The following NLRC3 variants were observed in gnomAD, a reference collection of about 807,000 sequenced individuals.
The protein encoded by NLRC3 is NLR family CARD domain containing 3.
A neutral mutation model predicts 91.6 loss-of-function variants in NLRC3; 87 were observed. The ratio of observed to expected loss-of-function variants is 0.95; its 90% CI spans 0.80 to 1.14. The LOEUF (loss-of-function observed/expected upper bound fraction) is 1.14, where lower values mean the gene tolerates loss of function less well. Among genes scored for constraint, NLRC3 ranks in the 50% most tolerant of loss-of-function variants. The probability of loss-of-function intolerance (pLI) is 0.00; values close to 1 mark genes in which losing one functional copy is unlikely to be tolerated. For missense variants in NLRC3, 1,577 were observed against 1,418.6 expected, an observed-to-expected ratio of 1.11 and a Z score of -1.79; for synonymous variants, 694 against 625.3, an observed-to-expected ratio of 1.11 and a Z score of -1.64.
chr16:3,557,461 A>C lies in NLRC3; in HGVS notation c.2099+132T>G. 4 of 622,318 alleles carry C rather than the reference A, an allele frequency of 6.4e-6. No individual in the cohort carries two copies. In the South Asian group the frequency reaches 7.8e-5, roughly 12 times the overall value. The allele number at this position is 622,318 out of a possible 1,614,324, so 38.5% of individuals were successfully genotyped here. A position where few individuals can be genotyped will look rare whatever the true frequency, so the allele number is the denominator to read the frequency against. On this transcript the variant is annotated intron_variant, in intron 7 of 19. Coordinates refer to ENST00000359128, the MANE Select transcript of NLRC3 (RefSeq NM_178844.4). ...ATGTCCAGATGCTACCCAGGGGCTG[A>C]ATCATGGGAATCAGGGAAGAACAGA...
At chr16:3,576,686 A>T (rs1194005401) in intron 1 of NLRC3, among the ~76,000 whole-genome samples, 2 of 151,410 alleles carry the variant, frequency 1.3e-5, no homozygotes, top group Non-Finnish European at 1.5e-5. Flanking sequence ...TGTTTTGGAG[A>T]CAGTCTCGCT....
Position 3,565,227 on chromosome 16 carries a change from T to G in NLRC3, c.-25+92A>C, listed in dbSNP as rs2039826047. ...CTGAGAATGGACTGGAAGGGCCATTTGTTCCTGGGTGGTAGCAATGATCAC... is the reference window on the plus strand; with the variant it reads ...CTGAGAATGGACTGGAAGGGCCATTGGTTCCTGGGTGGTAGCAATGATCAC... On this transcript the variant is annotated intron_variant, in intron 3 of 19. Coordinates refer to ENST00000359128, the MANE Select transcript of NLRC3 (RefSeq NM_178844.4). 4.3e-6 allele frequency: 3 copies of G among 695,782 alleles called. No homozygotes were observed. The Admixed American group carries it at 6.2e-5, about 14-fold the overall frequency. The allele number at this position is 695,782 out of a possible 1,614,324, so 43.1% of individuals were successfully genotyped here. A position where few individuals can be genotyped will look rare whatever the true frequency, so the allele number is the denominator to read the frequency against.
rs116008947 is a variant in NLRC3, at chr16:3,562,930, G to A, written c.1928+79C>T. 3,665 of 1,286,042 alleles carry A rather than the reference G, an allele frequency of 2.8e-3. 83 individuals carry two copies. The African/African-American group carries it at 0.046, about 16-fold the overall frequency. 79.7% of individuals were successfully genotyped at this position (1,286,042 alleles called of 1,614,324 possible). On this transcript the variant is annotated intron_variant, in intron 5 of 19. Transcript: ENST00000359128. ...GCAGCCCTAGGAGACTGACAGAGAA[G>A]CTTGGTGGTGGGGAGGGGACGGCTT...
Position 3,541,103 on chromosome 16 carries a change from G to A in NLRC3, c.*722C>T, listed in dbSNP as rs138769959. 7,638 of 152,188 alleles carry A rather than the reference G, an allele frequency of 0.05. 249 individuals carry two copies. The highest frequency in any genetic ancestry group is 0.069 in the Admixed American group (1,056 of 15,280). 9.4% of individuals were successfully genotyped at this position (152,188 alleles called of 1,614,324 possible). ...GCCTGTATTCCCAGCTACTGGGGAG[G>A]CTGAGGCAGGAGAATCACATGAACC... On this transcript the variant is annotated 3_prime_UTR_variant, in exon 20 of 20. Transcript: ENST00000359128.
intron 9 of NLRC3, among the ~76,000 whole-genome samples, chr16:3,552,830 C>T (rs1325871533): frequency 2.6e-5 from 4 of 152,180 alleles, no homozygotes; most frequent in African/African-American, 7.2e-5. Context: ...ATCCCAGCAA[C>T]TTGGGAGGCT....
In NLRC3 at chr16:3,561,726, T is replaced by C. The variant is rs1482982091; in HGVS notation, c.1991A>G (p.Lys664Arg). 1 of 1,613,204 alleles carries C rather than the reference T, an allele frequency of 6.2e-7. No homozygotes were observed. Among genetic ancestry groups the C allele is most frequent in the East Asian group, 2.2e-5 (1 of 44,866 alleles). ...CCTGATCTTCTGAATGCGACAGTCC[T>C]TCCCACTCAGCACGCTGCCCAGCAG... Reference protein sequence around the residue: ...MELLGSVLSGKDCRIQKISLA... With the variant: ...MELLGSVLSGRDCRIQKISLA... Residue 664 changes from lysine to arginine, a missense_variant, in exon 6 of 20, where the codon AAG becomes AGG. Physicochemically the swap from Lys to Arg is conservative, Grantham distance 26 (BLOSUM62 2). Transcript: ENST00000359128.
At position 3,542,709 on chromosome 16, in the gene NLRC3, T is replaced by G. The variant is rs144218898; in HGVS notation, c.3006A>C (p.Ser1002=). The G allele has an allele frequency of 1.9e-6, 3 of 1,609,552 alleles. No homozygotes were observed. In the African/African-American group the frequency reaches 4.0e-5, roughly 21 times the overall value. The part of the protein sequence containing the change: ...KALANALKVN[S]SLRRLNLQEN... ...CCACTTACTTGAGTCTCCGGAGACT[T>G]GAGTTTACCTTCAGAGCATTTGCCA... Residue 1002 remains serine (S), a synonymous_variant, in exon 18 of 20, where the codon TCA becomes TCC. Coordinates refer to ENST00000359128, the MANE Select transcript of NLRC3 (RefSeq NM_178844.4).
Position 3,565,072 on chromosome 16 carries a change from G to A in NLRC3, c.-24-12C>T. 4 of 1,594,142 alleles carry A rather than the reference G, an allele frequency of 2.5e-6. No individual in the cohort carries two copies. The highest frequency in any genetic ancestry group is 3.4e-6 in the Non-Finnish European group (4 of 1,171,766). ...ATCACCTCCAGGAGCTGTGAAGAGA[G>A]GGCCTGAACCTGCTGCCTGCCGTGC... On this transcript the variant is annotated splice_polypyrimidine_tract_variant and intron_variant, in intron 3 of 19. Coordinates refer to ENST00000359128, the MANE Select transcript of NLRC3 (RefSeq NM_178844.4).
chr16:3,565,946 A>C (rs914181579), intron 2 of NLRC3, among the ~76,000 whole-genome samples: 9 of 151,518 alleles, frequency 5.9e-5, no homozygotes, highest in Non-Finnish European at 1.3e-4. Context: ...AGGCCAAGGC[A>C]GCAGGATCGC....
intron 8 of NLRC3, 68 bp from the exon 9 acceptor site, chr16:3,554,393 C>T (rs576000795): frequency 1.3e-5 from 15 of 1,195,798 alleles, no homozygotes; most frequent in Non-Finnish European, 1.8e-5. Flanking sequence ...TGAACTCTCT[C>T]TGCAGTGGGG....
intron 15 of NLRC3, 190 bp from the exon 16 acceptor site, chr16:3,544,519 G>C (rs76716889): frequency 5.1e-6 from 3 of 582,956 alleles, no homozygotes; most frequent in Non-Finnish European, 3.1e-6. Flanking sequence ...ACACAGAGGC[G>C]TCTGGGGCCT....
intron 19 of NLRC3, 58 bp from the exon 20 acceptor site, chr16:3,541,973 G>C (rs2038423562): frequency 1.9e-6 from 2 of 1,039,358 alleles, no homozygotes; most frequent in Admixed American, 2.0e-5. Context: ...TAGTAGAGCA[G>C]GCCATACAAT....
rs186879243 is a variant in NLRC3, at chr16:3,563,435, C to T, written c.1502G>A (p.Arg501Gln). 1,509 of 1,574,916 alleles carry T rather than the reference C, an allele frequency of 9.6e-4. 5 individuals are homozygous for T. The African/African-American group carries it at 0.011, about 11-fold the overall frequency. Residue 501 changes from arginine to glutamine, a missense_variant, in exon 5 of 20, where the codon CGG (arginine) becomes CAG (glutamine). Transcript: ENST00000359128. ...CCTCCCGTCCTCTGCCTGCATGGCC[C>T]GCTGGGCTGCGCTCCTGAAATGCGT... ...FLTHFRSAAQRAMQAEDGRLD... is the reference protein window; with the variant it reads ...FLTHFRSAAQQAMQAEDGRLD...
chr16:3,539,211 C>T lies in NLRC3; in HGVS notation c.*2614G>A, dbSNP rs777184193. 4 of 152,150 alleles carry T rather than the reference C, an allele frequency of 2.6e-5. No individual in the cohort carries two copies. Among genetic ancestry groups the T allele is most frequent in the African/African-American group, 4.8e-5 (2 of 41,416 alleles). The allele number at this position is 152,150 out of a possible 1,614,324, so 9.4% of individuals were successfully genotyped here. A position where few individuals can be genotyped will look rare whatever the true frequency, so the allele number is the denominator to read the frequency against. Reference sequence around the variant, plus strand: ...AGGAAATTGTATTCATTTAGGTAAGCAACACACTACATAAATATCATAGCT... The same window carrying T: ...AGGAAATTGTATTCATTTAGGTAAGTAACACACTACATAAATATCATAGCT... On this transcript the variant is annotated 3_prime_UTR_variant, in exon 20 of 20. Transcript: ENST00000359128.
rs1329528970 is a variant in NLRC3 at position 3,539,333 on chromosome 16, T to G, written c.*2492A>C. ...CTCCTACCTAGAAGTCCTTTCTATG[T>G]GGATATGAATTAAATTCTCTTGTCT... is the stretch of plus-strand genomic sequence containing the variant. On this transcript the variant is annotated 3_prime_UTR_variant, in exon 20 of 20. Transcript: ENST00000359128. The G allele has an allele frequency of 1.3e-5, 2 of 152,244 alleles. No homozygotes were observed. Among genetic ancestry groups the G allele is most frequent in the Non-Finnish European group, 2.9e-5 (2 of 68,044 alleles). The allele number at this position is 152,244 out of a possible 1,614,324, so 9.4% of individuals were successfully genotyped here. A position where few individuals can be genotyped will look rare whatever the true frequency, so the allele number is the denominator to read the frequency against.
Position 3,564,250 on chromosome 16 carries a change from G to A in NLRC3, c.687C>T (p.Asp229=). 6.2e-7 allele frequency: 1 copy of A among 1,612,682 alleles called. No homozygotes were observed. Among genetic ancestry groups the A allele is most frequent in the East Asian group, 2.2e-5 (1 of 44,870 alleles). ...CCGTGCAGGCCACGGTGTTGGAGAA[G>A]TCCAGAGGCGTCCTGCACTCATCCA... is the stretch of plus-strand genomic sequence containing the variant. ...DGLDECRTPL[D]FSNTVACTDP... is the part of the protein sequence containing the mutation. Residue 229 remains aspartate, a synonymous_variant, in exon 5 of 20, where the codon GAC becomes GAT. Transcript: ENST00000359128. The surrounding 1 kb of genome is among the most constrained non-coding windows in gnomAD (Gnocchi z 5.9).
chr16:3,548,104 C>G (rs995388722), intron 15 of NLRC3, 31 bp downstream of exon 15: 1 of 1,473,614 alleles, frequency 6.8e-7, no homozygotes, highest in Non-Finnish European at 9.3e-7. Flanking sequence ...CAACAGCCCC[C>G]GCCCTGCAGC....
chr16:3,569,282 C>T (rs954797797), intron 1 of NLRC3, among the ~76,000 whole-genome samples: 1 of 145,548 alleles, frequency 6.9e-6, no homozygotes, highest in African/African-American at 2.6e-5. Context: ...CCACTGCACT[C>T]CAGCCGGGGT....
In NLRC3 at chr16:3,548,719, G is replaced by T. The variant is rs368131583; in HGVS notation, c.2638C>A (p.Arg880=). 31 of 1,604,484 alleles carry T rather than the reference G, an allele frequency of 1.9e-5. No individual in the cohort carries two copies. The highest frequency in any genetic ancestry group is 2.6e-5 in the Non-Finnish European group (30 of 1,175,820). The change falls in exon 14 of 20, where the codon CGG becomes AGG. Residue 880 remains arginine, a synonymous_variant. Transcript: ENST00000359128. ...TANLLHDQGA[R]AIAVAVRENR... ...TCTCTCACTGCCACTGCGATGGCCC[G>T]GGCACCCTGGTCGTGGAGGAGGTTG...
Sources: gnomAD v4.1 joint callset for allele counts (sites outside exome capture counted in the v4.1 genomes callset) on GRCh38, gnomAD v4.1.1 for gene constraint, Gnocchi (gnomAD v3.1) non-coding constraint, MANE v1.5 for transcripts, NCBI Gene and HGNC (gene_info 2026-07-23, HGNC 2026-07-21) for gene names.